ERC2: variants seen among roughly 807,000 people sequenced by gnomAD.
The protein encoded by ERC2 is ERC protein 2.
Under a neutral mutation model 114.8 loss-of-function variants are expected in ERC2, and 42 were observed. That is an observed-to-expected ratio of 0.37 (90% CI 0.29 to 0.47). The LOEUF is 0.47. Ranked by LOEUF, ERC2 falls within the 20% of genes least tolerant of loss-of-function variation. ERC2 has a pLI of 0.99. For synonymous variants in ERC2, 454 were observed against 425.5 expected (o/e 1.07, Z -0.82); for missense variants, 939 against 1,150.7 (o/e 0.82, Z 2.66).
At chr3:55,604,612 G>T (rs189032872) in intron 17 of ERC2, among the ~76,000 whole-genome samples, 5 of 152,286 alleles carry the variant, frequency 3.3e-5, no homozygotes, top group East Asian at 3.9e-4. Flanking sequence ...GTAGTCAGGG[G>T]ACAGAGCATG....
At chr3:56,433,336 T>C (rs2061878158) in intron 2 of ERC2, among the ~76,000 whole-genome samples, 1 of 152,004 alleles carries the variant, frequency 6.6e-6, no homozygotes, top group Non-Finnish European at 1.5e-5. Context: ...TAGCAGCATA[T>C]AAAACAGGCC....
At chr3:55,514,439 C>T (rs1398988114) in intron 17 of ERC2, among the ~76,000 whole-genome samples, 1 of 152,076 alleles carries the variant, frequency 6.6e-6, no homozygotes, top group Non-Finnish European at 1.5e-5. Context: ...AAGACCTTGT[C>T]TAAAATAAAA....
chr3:55,988,976 A>G (rs557831005), intron 11 of ERC2, among the ~76,000 whole-genome samples: 1 of 152,366 alleles, frequency 6.6e-6, no homozygotes, highest in Non-Finnish European at 1.5e-5. Flanking sequence ...AGGCAGGCCA[A>G]GGCTGAGCCC....
chr3:56,136,796 A>G (rs2080532010), intron 6 of ERC2, among the ~76,000 whole-genome samples: 2 of 152,292 alleles, frequency 1.3e-5, no homozygotes, highest in South Asian at 2.1e-4. Flanking sequence ...TTCCATGTAC[A>G]AAGAGATCTT....
intron 17 of ERC2, among the ~76,000 whole-genome samples, chr3:55,570,261 G>C (rs557225826): frequency 2.6e-5 from 4 of 152,112 alleles, no homozygotes; most frequent in Admixed American, 1.3e-4. Flanking sequence ...ATTGGTTCTT[G>C]TCCTGGTACT....
chr3:55,938,769 A>G (rs141662309), intron 13 of ERC2, among the ~76,000 whole-genome samples: 2 of 152,354 alleles, frequency 1.3e-5, no homozygotes, highest in Non-Finnish European at 2.9e-5. Context: ...TTCAACCCGT[A>G]TAATTGACTT....
At chr3:56,182,263 G>T (rs2150046601) in intron 3 of ERC2, among the ~76,000 whole-genome samples, 1 of 152,244 alleles carries the variant, frequency 6.6e-6, no homozygotes, top group South Asian at 2.1e-4. Flanking sequence ...CCATGTCTGT[G>T]TATATCATGG....
chr3:55,641,397 A>G (rs981536370), intron 17 of ERC2, among the ~76,000 whole-genome samples: 79 of 152,184 alleles, frequency 5.2e-4, no homozygotes, highest in Non-Finnish European at 3.2e-4. Flanking sequence ...TAAAAATAAT[A>G]AAATTAGCTG....
Position 55,527,693 on chromosome 3 carries a change from C to T in ERC2, c.*40-16417G>A, listed in dbSNP as rs115041282. On this transcript the variant is annotated intron_variant, in intron 17 of 17. Coordinates refer to ENST00000288221, the MANE Select transcript of ERC2 (RefSeq NM_015576.3). ...ATGACATCACAACAAAGTACAGAGG[C>T]ATGCCATACCTCCTCCTGGAATGAA... 4.3e-3 allele frequency among the ~76,000 whole-genome samples: 648 copies of T among 152,290 alleles called. 6 individuals carry two copies. The highest frequency in any genetic ancestry group is 0.015 in the African/African-American group (616 of 41,544).
intron 14 of ERC2, among the ~76,000 whole-genome samples, chr3:55,834,876 G>A (rs2060799302): frequency 6.9e-6 from 1 of 143,970 alleles, no homozygotes; most frequent in Admixed American, 6.9e-5. Context: ...GAAGAAAAGA[G>A]AGAAGAATCA....
At chr3:55,546,732 C>A (rs964030998) in intron 17 of ERC2, among the ~76,000 whole-genome samples, 1 of 152,180 alleles carries the variant, frequency 6.6e-6, no homozygotes, top group African/African-American at 2.4e-5. Context: ...GCACAGCCAG[C>A]CAGTAAGGAG....
At position 56,173,539 on chromosome 3, in the gene ERC2, G is replaced by T. The variant is rs1236644709; in HGVS notation, c.1075-19C>A. 1 of 1,612,124 alleles carries T rather than the reference G, an allele frequency of 6.2e-7. No individual in the cohort carries two copies. Among genetic ancestry groups the T allele is most frequent in the Non-Finnish European group, 8.5e-7 (1 of 1,178,510 alleles). Reference sequence around the variant, plus strand: ...GCAATTCCTGGGGAGGAACACGATAGAAATAAGCCTGACGGTTCATCCTTC... The same window carrying T: ...GCAATTCCTGGGGAGGAACACGATATAAATAAGCCTGACGGTTCATCCTTC... On this transcript the variant is annotated intron_variant, in intron 3 of 17. Coordinates refer to ENST00000288221, the MANE Select transcript of ERC2 (RefSeq NM_015576.3).
intron 13 of ERC2, among the ~76,000 whole-genome samples, chr3:55,928,062 T>A (rs2065850932): frequency 6.6e-6 from 1 of 152,248 alleles, no homozygotes; most frequent in African/African-American, 2.4e-5. Flanking sequence ...AGTACTGCAG[T>A]AAACATAGTA....
intron 3 of ERC2, among the ~76,000 whole-genome samples, chr3:56,255,486 G>A (rs1869157): frequency 6.6e-6 from 1 of 152,104 alleles, no homozygotes; most frequent in South Asian, 2.1e-4. Flanking sequence ...GACCATGCAA[G>A]AGGCCTATTG....
In ERC2 at chr3:55,898,720, T is replaced by C. The variant is rs78218334; in HGVS notation, c.2404-10171A>G. On this transcript the variant is annotated intron_variant, in intron 13 of 17. Transcript: ENST00000288221. ...AGCAAGACAAAGGGTTGGATTTCCA[T>C]TTTTTTTTTACATTTTCCAAAAGAT... is the stretch of plus-strand genomic sequence containing the variant. Among the ~76,000 whole-genome samples, 1,341 of 148,942 alleles carry C rather than the reference T, an allele frequency of 9.0e-3. 21 individuals are homozygous for C. The highest frequency in any genetic ancestry group is 0.032 in the African/African-American group (1,280 of 40,170).
At chr3:56,065,922 C>T (rs1353471456) in intron 7 of ERC2, among the ~76,000 whole-genome samples, 3 of 152,146 alleles carry the variant, frequency 2.0e-5, no homozygotes, top group African/African-American at 7.2e-5. Context: ...TGTATATATA[C>T]CACATTTTCT....
intron 2 of ERC2, among the ~76,000 whole-genome samples, chr3:56,403,596 T>A (rs2060601503): frequency 6.6e-6 from 1 of 152,172 alleles, no homozygotes; most frequent in African/African-American, 2.4e-5. Flanking sequence ...AAATAAAGAA[T>A]CCCAGGCCTC....
chr3:55,755,267 T>G (rs1044514201), intron 14 of ERC2, among the ~76,000 whole-genome samples: 2 of 152,154 alleles, frequency 1.3e-5, no homozygotes, highest in Admixed American at 6.5e-5. Context: ...TAATCTTGCT[T>G]AAGTTACCAG....
At chr3:56,419,124 G>T (rs1393677107) in intron 2 of ERC2, among the ~76,000 whole-genome samples, 1 of 152,332 alleles carries the variant, frequency 6.6e-6, no homozygotes, top group East Asian at 1.9e-4. Context: ...GACAGAAAGT[G>T]CACTTTACAC....
Sources: gnomAD v4.1 joint callset for allele counts (sites outside exome capture counted in the v4.1 genomes callset) on GRCh38, gnomAD v4.1.1 for gene constraint, MANE v1.5 for transcripts, NCBI Gene and HGNC (gene_info 2026-07-23, HGNC 2026-07-21) for gene names.